The following SPDYA variants were observed in gnomAD, a reference collection of about 807,000 sequenced individuals.
SPDYA encodes the protein speedy protein A.
SPDYA carries 11 observed loss-of-function variants against 36.7 expected under a neutral mutation model. That is an observed-to-expected ratio of 0.30 (90% CI 0.19 to 0.50). SPDYA has a LOEUF of 0.50. SPDYA is among the 20% of genes least tolerant of loss of function. SPDYA has a pLI of 0.98. For missense variants in SPDYA, 287 were observed against 370.9 expected (o/e 0.77, Z 1.86); for synonymous variants, 115 against 118.7 (o/e 0.97, Z 0.20).
chr2:28,842,696 G>C (rs1052686299), intron 7 of SPDYA, among the ~76,000 whole-genome samples: 2 of 152,128 alleles, frequency 1.3e-5, no homozygotes, highest in African/African-American at 4.8e-5. Context: ...CTTTGTTTCA[G>C]GATGTCAGAG....
At position 28,813,783 on chromosome 2, in the gene SPDYA, C is replaced by T. The variant is rs181913879; in HGVS notation, c.-92-830C>T. Among the ~76,000 whole-genome samples the T allele has an allele frequency of 1.3e-3, 204 of 152,166 alleles. 1 individual carries two copies. The highest frequency in any genetic ancestry group is 2.4e-3 in the Non-Finnish European group (160 of 67,996). ...GTCAGGCTGGTCTCAAACTCCTGAC[C>T]TCAGGTGATCCGCCCACCTCAGCCT... On this transcript the variant is annotated intron_variant, in intron 1 of 7. Transcript: ENST00000334056.
intron 7 of SPDYA, 32 bp from the exon 8 acceptor site, chr2:28,849,818 A>C: frequency 7.6e-7 from 1 of 1,309,326 alleles, no homozygotes; most frequent in South Asian, 1.3e-5. Flanking sequence ...CAGATACATA[A>C]AATTTATCTT....
intron 2 of SPDYA, among the ~76,000 whole-genome samples, chr2:28,814,889 AGATT>A (rs1667945864): frequency 1.3e-5 from 2 of 152,238 alleles, no homozygotes; most frequent in Non-Finnish European, 2.9e-5. Context: ...AAATATTGAT[AGATT>A]AACTGTCTCA....
intron 6 of SPDYA, among the ~76,000 whole-genome samples, chr2:28,830,232 C>G (rs1421487991): frequency 1.7e-5 from 2 of 117,528 alleles, no homozygotes; most frequent in Non-Finnish European, 3.3e-5. Context: ...GAGACAGAGT[C>G]TTGCTCTGTC....
chr2:28,843,136 A>AT (rs1210960984), intron 7 of SPDYA, among the ~76,000 whole-genome samples: 5 of 152,122 alleles, frequency 3.3e-5, no homozygotes, highest in African/African-American at 9.7e-5. Context: ...CTACCTTAAA[A>AT]TTTTTTTTGT....
chr2:28,823,098 G>A (rs1668210711), intron 5 of SPDYA, among the ~76,000 whole-genome samples: 1 of 152,038 alleles, frequency 6.6e-6, no homozygotes, highest in South Asian at 2.1e-4. Flanking sequence ...TGAACAACTT[G>A]TGGAAAATGC....
chr2:28,840,457 A>G lies in SPDYA; in HGVS notation c.838A>G (p.Thr280Ala), dbSNP rs916283705. 1.2e-6 allele frequency: 2 copies of G among 1,613,880 alleles called. No individual in the cohort carries two copies. The highest frequency in any genetic ancestry group is 8.5e-7 in the Non-Finnish European group (1 of 1,179,924). ...DIIGDPSQAY[T>A]GSEVVNDHQS... ...AATAGGTGATCCTTCTCAAGCTTAT[A>G]CTGGTTCTGAAGGTATGATTTAGTA... Residue 280 changes from threonine (T) to alanine (A), a missense_variant, in exon 7 of 8, where the codon ACT becomes GCT. Coordinates refer to ENST00000334056, the MANE Select transcript of SPDYA (RefSeq NM_182756.4).
intron 6 of SPDYA, among the ~76,000 whole-genome samples, chr2:28,832,914 C>T (rs1004119847): frequency 1.4e-5 from 2 of 147,264 alleles, no homozygotes; most frequent in Non-Finnish European, 3.0e-5. Context: ...GATCATGGCT[C>T]ATTGCAGCCT....
intron 5 of SPDYA, among the ~76,000 whole-genome samples, chr2:28,825,269 A>G (rs1159764684): frequency 1.3e-5 from 2 of 152,138 alleles, no homozygotes; most frequent in Non-Finnish European, 2.9e-5. Context: ...ATTAAAAACA[A>G]ACCAAAAGAA....
Position 28,822,429 on chromosome 2 carries a change from A to AAGT in SPDYA, c.380+20_380+22dup. 1 of 1,331,114 alleles carries AAGT rather than the reference A, an allele frequency of 7.5e-7. No individual in the cohort carries two copies. The highest frequency in any genetic ancestry group is 1.0e-6 in the Non-Finnish European group (1 of 955,424). The allele number at this position is 1,331,114 out of a possible 1,614,324, so 82.5% of individuals were successfully genotyped here. A position where few individuals can be genotyped will look rare whatever the true frequency, so the allele number is the denominator to read the frequency against. On this transcript the variant is annotated intron_variant, in intron 5 of 7. Transcript: ENST00000334056. The stretch of plus-strand genomic sequence containing the variant: ...TTGCTCTGTAAGTATACTTTCTACT[A>AAGT]AGTGATTGTTGTGTTATCTATTATA...
At chr2:28,829,814 G>A (rs541437987) in intron 6 of SPDYA, among the ~76,000 whole-genome samples, 45 of 151,984 alleles carry the variant, frequency 3.0e-4, no homozygotes, top group Non-Finnish European at 5.9e-4. Flanking sequence ...CGTGGTGGCA[G>A]GCGCCTGTAG....
chr2:28,833,118 G>A (rs1668515851), intron 6 of SPDYA, among the ~76,000 whole-genome samples: 1 of 152,130 alleles, frequency 6.6e-6, no homozygotes, highest in East Asian at 1.9e-4. Flanking sequence ...TTGCAGGTGT[G>A]AGCCACCATA....
chr2:28,827,341 A>G (rs1419066762), intron 5 of SPDYA, among the ~76,000 whole-genome samples: 1 of 152,174 alleles, frequency 6.6e-6, no homozygotes, highest in African/African-American at 2.4e-5. Context: ...CTTATGTCTA[A>G]TATGCTAATT....
At chr2:28,816,340 A>ATATCATTAT in intron 3 of SPDYA, 91 bp downstream of exon 3, 1 of 974,268 alleles carries the variant, frequency 1.0e-6, no homozygotes, top group South Asian at 2.3e-5. Flanking sequence ...ATCAAAGAGG[A>ATATCATTAT]TATCATTATT....
At chr2:28,841,980 T>C (rs1319861541) in intron 7 of SPDYA, 1 of 152,220 alleles carries the variant, frequency 6.6e-6, no homozygotes, top group Non-Finnish European at 1.5e-5. Context: ...TATAATGCAT[T>C]TTATATTCAT....
chr2:28,826,739 C>T (rs1175942638), intron 5 of SPDYA, among the ~76,000 whole-genome samples: 9 of 149,550 alleles, frequency 6.0e-5, no homozygotes, highest in Non-Finnish European at 8.9e-5. Context: ...CTCAATCTCC[C>T]GAATAGCTGG....
At chr2:28,819,922 G>C (rs1047287365) in intron 4 of SPDYA, among the ~76,000 whole-genome samples, 2 of 127,868 alleles carry the variant, frequency 1.6e-5, no homozygotes, top group Non-Finnish European at 3.1e-5. Context: ...GAGGCAGGAG[G>C]ATTGCTTGAG....
Position 28,817,420 on chromosome 2 carries a change from G to A in SPDYA, c.235+1171G>A, listed in dbSNP as rs1272115390. ...CTACTAAAAATATAAAATTAGCCGG[G>A]TGTGGTGGCACATGCCTGTAATCCC... On this transcript the variant is annotated intron_variant, in intron 3 of 7. Coordinates refer to ENST00000334056, the MANE Select transcript of SPDYA (RefSeq NM_182756.4). Among the ~76,000 whole-genome samples the A allele has an allele frequency of 3.3e-5, 5 of 152,116 alleles. No homozygotes were observed. The East Asian group carries it at 5.8e-4, about 18-fold the overall frequency.
chr2:28,824,712 A>C (rs1239146587), intron 5 of SPDYA, among the ~76,000 whole-genome samples: 1 of 151,554 alleles, frequency 6.6e-6, no homozygotes, highest in African/African-American at 2.4e-5. Flanking sequence ...ACGCCCGGCT[A>C]ATTTTTTTTT....
Sources: gnomAD v4.1 joint callset for allele counts (sites outside exome capture counted in the v4.1 genomes callset) on GRCh38, gnomAD v4.1.1 for gene constraint, MANE v1.5 for transcripts, NCBI Gene and HGNC (gene_info 2026-07-23, HGNC 2026-07-21) for gene names.